HM13: variants seen among roughly 807,000 people sequenced by gnomAD.
HM13 encodes the protein signal peptide peptidase.
In HM13, 18 loss-of-function variants were observed where a neutral mutation model predicts 50.0. The observed-to-expected ratio is 0.36, with a 90% CI of 0.25 to 0.53. The LOEUF (loss-of-function observed/expected upper bound fraction) is 0.53. Ranked by LOEUF, HM13 falls within the 20% of genes least tolerant of loss-of-function variation. The pLI, the probability that HM13 is intolerant of heterozygous loss-of-function variation, is 0.90. For missense variants in HM13, 393 were observed against 552.4 expected (o/e 0.71, Z 2.89); for synonymous variants, 197 against 232.6 (o/e 0.85, Z 1.39).
chr20:31,538,784 G>T, intron 3 of HM13: 1 of 402,416 alleles, frequency 2.5e-6, no homozygotes, highest in Non-Finnish European at 3.4e-6. Flanking sequence ...TCAATTTCCT[G>T]GTGAATGTGG....
At chr20:31,529,944 C>T (rs1024480446) in intron 2 of HM13, among the ~76,000 whole-genome samples, 6 of 150,760 alleles carry the variant, frequency 4.0e-5, no homozygotes, top group African/African-American at 4.9e-5. Flanking sequence ...TTCAGCCTGG[C>T]GACACAGCGA....
chr20:31,526,076 G>A (rs779794349), intron 1 of HM13, among the ~76,000 whole-genome samples: 5 of 152,028 alleles, frequency 3.3e-5, no homozygotes, highest in Non-Finnish European at 7.4e-5. Context: ...CGTGAGCCAA[G>A]ATTGCACCAC....
chr20:31,527,842 A>T, intron 2 of HM13: 1 of 393,930 alleles, frequency 2.5e-6, no homozygotes, highest in Non-Finnish European at 4.5e-6. Context: ...TGTACTGTTT[A>T]TGTTGGGATG....
At chr20:31,553,598 A>C (rs1045249441) in intron 7 of HM13, among the ~76,000 whole-genome samples, 1 of 152,082 alleles carries the variant, frequency 6.6e-6, no homozygotes, top group African/African-American at 2.4e-5. Context: ...ATTCAGACCT[A>C]CAGACCCACA....
At chr20:31,556,860 A>G (rs1475685677) in intron 8 of HM13, among the ~76,000 whole-genome samples, 4 of 152,006 alleles carry the variant, frequency 2.6e-5, no homozygotes, top group Non-Finnish European at 4.4e-5. Flanking sequence ...CTCTACTAAA[A>G]ATACAAAAAT....
intron 3 of HM13, among the ~76,000 whole-genome samples, chr20:31,541,910 A>C (rs977718799): frequency 2.6e-5 from 4 of 152,236 alleles, no homozygotes; most frequent in African/African-American, 9.6e-5. Flanking sequence ...ACAGCTGGTA[A>C]GGGCAAAGTG....
At chr20:31,529,545 C>A (rs6059796) in intron 2 of HM13, among the ~76,000 whole-genome samples, 4 of 152,112 alleles carry the variant, frequency 2.6e-5, no homozygotes, top group Non-Finnish European at 5.9e-5. Context: ...ACACCTGGCC[C>A]CTTTTTGTTC....
At chr20:31,562,213 G>A (rs1984654602) in intron 10 of HM13, among the ~76,000 whole-genome samples, 1 of 152,198 alleles carries the variant, frequency 6.6e-6, no homozygotes, top group Non-Finnish European at 1.5e-5. Flanking sequence ...ACCAAGATGA[G>A]GATGGAGTAC....
At chr20:31,544,910 G>A (rs767798054) in intron 3 of HM13, 37 bp from the exon 4 acceptor site, 1 of 1,569,420 alleles carries the variant, frequency 6.4e-7, no homozygotes, top group Non-Finnish European at 8.8e-7. Flanking sequence ...TGCCCATGGG[G>A]GCTCTGTTTG....
chr20:31,566,840 T>G (rs1025042467), intron 11 of HM13, among the ~76,000 whole-genome samples: 5 of 151,836 alleles, frequency 3.3e-5, no homozygotes, highest in Admixed American at 3.3e-4. Context: ...TATCCACACC[T>G]ACCACACCCT....
intron 4 of HM13, 197 bp from the exon 5 acceptor site, chr20:31,548,832 A>T (rs1014532895): frequency 4.9e-6 from 3 of 608,542 alleles, no homozygotes; most frequent in Non-Finnish European, 5.9e-6. Flanking sequence ...TCCTGTAGGA[A>T]ATTGGAGGGG....
intron 8 of HM13, among the ~76,000 whole-genome samples, chr20:31,555,965 G>A (rs185155540): frequency 9.7e-4 from 148 of 151,824 alleles, no homozygotes; most frequent in African/African-American, 3.4e-3. Context: ...GTGAGACCCT[G>A]TCTCTTAAAG....
At chr20:31,539,112 C>G in intron 3 of HM13, 1 of 985,492 alleles carries the variant, frequency 1.0e-6, no homozygotes, top group Non-Finnish European at 1.2e-6. Context: ...CGTGTCCTTT[C>G]AGTGGGGAGA....
At chr20:31,538,642 C>T (rs997864084) in intron 3 of HM13, 52 of 1,165,382 alleles carry the variant, frequency 4.5e-5, no homozygotes, top group African/African-American at 1.7e-4. Flanking sequence ...GATCGTGTTT[C>T]GTAAGGAGCC....
chr20:31,547,795 G>A, intron 4 of HM13: 1 of 953,794 alleles, frequency 1.0e-6, no homozygotes, highest in Non-Finnish European at 1.7e-6. Flanking sequence ...CCAGCAGGTT[G>A]ATAAAGGAGC....
chr20:31,547,493 C>T (rs1306499623), intron 4 of HM13: 1 of 664,124 alleles, frequency 1.5e-6, no homozygotes, highest in Non-Finnish European at 2.6e-6. Flanking sequence ...TCGCCCGCTT[C>T]ACCCTGGATC....
intron 1 of HM13, among the ~76,000 whole-genome samples, chr20:31,527,209 A>G (rs963748660): frequency 1.3e-5 from 2 of 152,142 alleles, no homozygotes; most frequent in Non-Finnish European, 2.9e-5. Flanking sequence ...ATGGTTGTGC[A>G]TGCCTATAGT....
chr20:31,530,322 A>C (rs1213821062), intron 2 of HM13, among the ~76,000 whole-genome samples: 1 of 152,092 alleles, frequency 6.6e-6, no homozygotes, highest in Non-Finnish European at 1.5e-5. Flanking sequence ...ACTTATGTTA[A>C]ATTATATATA....
rs553358577 is a variant in HM13, at chr20:31,539,416, G to A, written c.365+1155G>A. On this transcript the variant is annotated intron_variant, in intron 3 of 12. Coordinates refer to ENST00000398174, the MANE Select transcript of HM13 (RefSeq NM_178581.3). ...GCTTTCTTTGAAGGGTAGGAAACCT[G>A]GAAGACGTACAAAGGAGGGAGAGGT... The A allele has an allele frequency of 5.1e-6, 5 of 985,468 alleles. No individual in the cohort carries two copies. The South Asian group carries it at 1.4e-4, about 28-fold the overall frequency. 61.0% of individuals were successfully genotyped at this position (985,468 alleles called of 1,614,324 possible).
Sources: gnomAD v4.1 joint callset for allele counts (sites outside exome capture counted in the v4.1 genomes callset) on GRCh38, gnomAD v4.1.1 for gene constraint, MANE v1.5 for transcripts, NCBI Gene and HGNC (gene_info 2026-07-23, HGNC 2026-07-21) for gene names.